Variants in DENND5B observed in about 807,000 individuals in gnomAD.
DENND5B encodes DENN domain-containing protein 5B.
A neutral mutation model predicts 140.6 loss-of-function variants in DENND5B; 34 were observed. That is an observed-to-expected ratio of 0.24 (90% CI 0.18 to 0.32). The LOEUF is 0.32. Among genes scored for constraint, DENND5B ranks in the 10% least tolerant of loss-of-function variants. The probability of loss-of-function intolerance (pLI) is 1.00; values close to 1 mark genes in which losing one functional copy is unlikely to be tolerated. For missense variants in DENND5B, 1,142 were observed against 1,560.2 expected (o/e 0.73, Z 4.52); for synonymous variants, 551 against 562.1 (o/e 0.98, Z 0.28).
chr12:31,515,622 G>T (rs1009750076), intron 1 of DENND5B, among the ~76,000 whole-genome samples: 2 of 152,160 alleles, frequency 1.3e-5, no homozygotes, highest in Admixed American at 6.5e-5. Context: ...TTCCCATTTT[G>T]TATGAAGGAA....
At chr12:31,527,389 G>T (rs1007893854) in intron 1 of DENND5B, among the ~76,000 whole-genome samples, 1 of 152,136 alleles carries the variant, frequency 6.6e-6, no homozygotes, top group East Asian at 1.9e-4. Flanking sequence ...AGCTCCAGAG[G>T]TTACGGGCGG....
intron 1 of DENND5B, chr12:31,590,384 A>T: frequency 5.6e-6 from 1 of 177,938 alleles, no homozygotes; most frequent in Non-Finnish European, 1.2e-5. Flanking sequence ...CCGGTGACTC[A>T]CCGGCCGCCT....
rs1327618924 is a variant in DENND5B at position 31,480,052 on chromosome 12, C to T, written c.441G>A (p.Val147=). 6.2e-7 allele frequency: 1 copy of T among 1,613,842 alleles called. No individual in the cohort carries two copies. Among genetic ancestry groups the T allele is most frequent in the Non-Finnish European group, 8.5e-7 (1 of 1,179,842 alleles). The change falls in exon 3 of 21, where the codon GTG becomes GTA. Residue 147 remains valine, a synonymous_variant. Coordinates refer to ENST00000389082, the MANE Select transcript of DENND5B (RefSeq NM_144973.4). The part of the protein sequence containing the change: ...QMHNAEHYSS[V]YASSSCSMDS... ...CCATACTGCAGGAAGATGAAGCATA[C>T]ACACTGCTGTAATGCTCAGCGTTGT...
At chr12:31,506,011 C>T (rs1417103687) in intron 1 of DENND5B, among the ~76,000 whole-genome samples, 1 of 151,798 alleles carries the variant, frequency 6.6e-6, no homozygotes, top group East Asian at 1.9e-4. Flanking sequence ...ATTTTTAAAA[C>T]ATTTTTGTAG....
chr12:31,423,545 T>C, intron 11 of DENND5B, 52 bp downstream of exon 11: 14 of 1,575,298 alleles, frequency 8.9e-6, no homozygotes, highest in Non-Finnish European at 1.2e-5. Flanking sequence ...CCAAATAGTA[T>C]TGAGTCTTCT....
intron 17 of DENND5B, 30 bp downstream of exon 17, chr12:31,398,145 A>G: frequency 6.5e-7 from 1 of 1,547,802 alleles, no homozygotes; most frequent in Non-Finnish European, 8.7e-7. Flanking sequence ...ACATCATAGG[A>G]GCACATAAGA....
rs561708862 is a variant in DENND5B at position 31,554,470 on chromosome 12, G to A, written c.127+36236C>T. Among the ~76,000 whole-genome samples the A allele has an allele frequency of 1.1e-3, 166 of 152,204 alleles. 1 individual carries two copies. Among genetic ancestry groups the A allele is most frequent in the African/African-American group, 3.9e-3 (164 of 41,520 alleles). ...ATGGGCTTCCCTTTGTGGGTAACCC[G>A]ACCTTTCTCTCTGGCTGCCCTTAAC... is the stretch of plus-strand genomic sequence containing the variant. On this transcript the variant is annotated intron_variant, in intron 1 of 20. Coordinates refer to ENST00000389082, the MANE Select transcript of DENND5B (RefSeq NM_144973.4).
chr12:31,404,388 T>C (rs1388919359), intron 14 of DENND5B, among the ~76,000 whole-genome samples: 2 of 152,148 alleles, frequency 1.3e-5, no homozygotes, highest in African/African-American at 2.4e-5. Context: ...CCCTGATCTC[T>C]GGGGCTCAAG....
Position 31,590,833 on chromosome 12 carries a change from C to T in DENND5B, c.-1G>A. ...CGGGCGCCGCGCAGCTCCCGCTCAT[C>T]CCGGCCGCGCTGCTCCAGGGGCCGC... On this transcript the variant is annotated 5_prime_UTR_variant, in exon 1 of 21. Transcript: ENST00000389082. 1.6e-6 allele frequency: 2 copies of T among 1,239,474 alleles called. No individual in the cohort carries two copies. Among genetic ancestry groups the T allele is most frequent in the Admixed American group, 4.4e-5 (1 of 22,936 alleles). 76.8% of individuals were successfully genotyped at this position (1,239,474 alleles called of 1,614,324 possible).
chr12:31,520,617 T>A (rs1397441612), intron 1 of DENND5B, among the ~76,000 whole-genome samples: 1 of 152,158 alleles, frequency 6.6e-6, no homozygotes, highest in Non-Finnish European at 1.5e-5. Context: ...CTCAGCTCAC[T>A]GCAACCTCCA....
chr12:31,557,005 G>A (rs545535119), intron 1 of DENND5B, among the ~76,000 whole-genome samples: 29 of 152,058 alleles, frequency 1.9e-4, no homozygotes, highest in Non-Finnish European at 2.9e-4. Flanking sequence ...TATAGTAAGA[G>A]AATCTGTAAA....
At chr12:31,530,366 C>G (rs974219432) in intron 1 of DENND5B, among the ~76,000 whole-genome samples, 1 of 151,956 alleles carries the variant, frequency 6.6e-6, no homozygotes, top group Non-Finnish European at 1.5e-5. Flanking sequence ...GAGCAAGACT[C>G]CATCTCGAAA....
At chr12:31,485,951 C>CA (rs375827071) in intron 2 of DENND5B, among the ~76,000 whole-genome samples, 11 of 152,314 alleles carry the variant, frequency 7.2e-5, no homozygotes, top group African/African-American at 2.6e-4. Context: ...CCTCAGACTT[C>CA]AAACCTTCCA....
chr12:31,439,929 C>CAAA (rs67272470), intron 7 of DENND5B, among the ~76,000 whole-genome samples: 3,755 of 52,254 alleles, frequency 0.072, 785 homozygotes, highest in East Asian at 0.15. Flanking sequence ...GACTCCGTCT[C>CAAA]AAAAAAAAAA....
At chr12:31,387,881 C>G (rs1940924022) in intron 20 of DENND5B, 95 bp from the exon 21 acceptor site, 5 of 1,267,904 alleles carry the variant, frequency 3.9e-6, no homozygotes, top group Non-Finnish European at 5.4e-6. Context: ...AGGTGTGGGA[C>G]TTGATGGTAC....
chr12:31,471,064 G>A (rs1945534737), intron 3 of DENND5B, among the ~76,000 whole-genome samples: 1 of 152,192 alleles, frequency 6.6e-6, no homozygotes, highest in Non-Finnish European at 1.5e-5. Context: ...ATTGTTCTAT[G>A]TAAAAGCTAA....
intron 8 of DENND5B, chr12:31,426,741 T>C (rs1434362520): frequency 1.7e-5 from 4 of 234,400 alleles, no homozygotes; most frequent in Admixed American, 5.2e-5. Context: ...AGGACTGTGG[T>C]TGGGACAAAA....
intron 1 of DENND5B, among the ~76,000 whole-genome samples, chr12:31,588,802 T>C (rs1207421573): frequency 6.6e-6 from 1 of 152,230 alleles, no homozygotes; most frequent in East Asian, 1.9e-4. Flanking sequence ...TCTTCACAGC[T>C]GTCCCCAGTG....
intron 1 of DENND5B, among the ~76,000 whole-genome samples, chr12:31,508,736 C>T (rs1947299987): frequency 6.6e-6 from 1 of 152,130 alleles, no homozygotes; most frequent in African/African-American, 2.4e-5. Flanking sequence ...GCCTTCAAGG[C>T]CCTCCCCTAC....
Sources: allele counts gnomAD v4.1 joint callset (sites outside exome capture counted in the v4.1 genomes callset), GRCh38; gene constraint gnomAD v4.1.1; transcripts MANE v1.5; gene names NCBI Gene and HGNC (gene_info 2026-07-23, HGNC 2026-07-21).